The following RGS12 variants were observed in gnomAD, a reference collection of about 807,000 sequenced individuals.
RGS12 encodes the protein regulator of G-protein signaling 12.
A neutral mutation model predicts 120.1 loss-of-function variants in RGS12; 66 were observed. The observed-to-expected ratio is 0.55, with a 90% CI of 0.45 to 0.67. The LOEUF is 0.67. RGS12 is among the 30% of genes least tolerant of loss of function. The pLI is 0.00. For missense variants in RGS12, 1,859 were observed against 1,957.7 expected (o/e 0.95, Z 0.95); for synonymous variants, 827 against 804.7 (o/e 1.03, Z -0.47).
intron 17 of RGS12, chr4:3,431,361 CTT>C: frequency 9.6e-7 from 1 of 1,042,702 alleles, no homozygotes; most frequent in Non-Finnish European, 1.2e-6. Flanking sequence ...TAGCATTTGT[CTT>C]GAGTGAGGAA....
intron 3 of RGS12, among the ~76,000 whole-genome samples, chr4:3,350,140 A>G (rs1014464378): frequency 6.6e-6 from 1 of 152,272 alleles, no homozygotes; most frequent in African/African-American, 2.4e-5. Flanking sequence ...TATTTTGCTG[A>G]TAACACAGAA....
chr4:3,416,823 G>A (rs59743134), intron 7 of RGS12, 90 bp from the exon 8 acceptor site: 1 of 1,177,334 alleles, frequency 8.5e-7, no homozygotes, highest in Non-Finnish European at 1.2e-6. Context: ...CAGGGCCAGT[G>A]GTTGCCTACA....
intron 10 of RGS12, among the ~76,000 whole-genome samples, chr4:3,421,490 C>T (rs1001191809): frequency 1.3e-4 from 20 of 152,262 alleles, no homozygotes; most frequent in African/African-American, 4.3e-4. Context: ...TGCTGGGTGT[C>T]TGGGTCGCCT....
At chr4:3,298,369 G>T in intron 1 of RGS12, among the ~76,000 whole-genome samples, 1 of 151,306 alleles carries the variant, frequency 6.6e-6, no homozygotes, top group Non-Finnish European at 1.5e-5. Flanking sequence ...TTTTTTTTAA[G>T]AGACGGAGTC....
rs575271168 is a variant in RGS12 at position 3,437,888 on chromosome 4, G to A, written c.4115-1567G>A. The stretch of plus-strand genomic sequence containing the variant: ...GAGTCACACCTTCCGCCCGCAGCCC[G>A]GACTTGTTCACAGATGCCTCATGGA... On this transcript the variant is annotated intron_variant, in intron 17 of 17. Transcript: ENST00000336727. 1.6e-4 allele frequency among the ~76,000 whole-genome samples: 25 copies of A among 152,268 alleles called. No individual in the cohort carries two copies. The South Asian group carries it at 4.6e-3, about 28-fold the overall frequency.
chr4:3,431,905 G>A (rs1724345664), intron 17 of RGS12: 3 of 985,496 alleles, frequency 3.0e-6, no homozygotes, highest in African/African-American at 3.5e-5. Flanking sequence ...GACCTCGCCG[G>A]GGGACCAGGG....
At chr4:3,380,498 C>G (rs1181817272) in intron 3 of RGS12, among the ~76,000 whole-genome samples, 1 of 152,232 alleles carries the variant, frequency 6.6e-6, no homozygotes, top group African/African-American at 2.4e-5. Context: ...TCACACTGCC[C>G]TAGCAGAGGT....
intron 4 of RGS12, among the ~76,000 whole-genome samples, chr4:3,400,201 A>T (rs541511339): frequency 6.6e-6 from 1 of 152,376 alleles, no homozygotes; most frequent in East Asian, 1.9e-4. Flanking sequence ...GGAAAATTGA[A>T]TTATTGGCCA....
intron 1 of RGS12, among the ~76,000 whole-genome samples, chr4:3,294,112 C>T (rs1723232276): frequency 6.6e-6 from 1 of 152,258 alleles, no homozygotes; most frequent in East Asian, 1.9e-4. Flanking sequence ...CCTGAGTTTC[C>T]TCATTGGACC....
At chr4:3,305,493 C>T (rs1723922523) in intron 1 of RGS12, among the ~76,000 whole-genome samples, 1 of 152,250 alleles carries the variant, frequency 6.6e-6, no homozygotes, top group Non-Finnish European at 1.5e-5. Flanking sequence ...AGATGCAGCT[C>T]CTGGGGTGCA....
chr4:3,347,826 G>A (rs1179845451), intron 3 of RGS12, among the ~76,000 whole-genome samples: 1 of 152,166 alleles, frequency 6.6e-6, no homozygotes, highest in East Asian at 1.9e-4. Flanking sequence ...AATTGACAAG[G>A]AAATCTGGCT....
chr4:3,349,806 A>G (rs1714187478), intron 3 of RGS12, among the ~76,000 whole-genome samples: 1 of 152,170 alleles, frequency 6.6e-6, no homozygotes, highest in African/African-American at 2.4e-5. Context: ...CTTCTCTAAA[A>G]TTTAATAAGC....
chr4:3,321,632 C>T (rs1457084204), intron 2 of RGS12, among the ~76,000 whole-genome samples: 4 of 152,208 alleles, frequency 2.6e-5, no homozygotes, highest in East Asian at 1.9e-4. Context: ...CTTTTGAGTC[C>T]GCCTTGGCTT....
chr4:3,326,715 A>G (rs1469497386), intron 2 of RGS12, among the ~76,000 whole-genome samples: 1 of 152,222 alleles, frequency 6.6e-6, no homozygotes, highest in East Asian at 1.9e-4. Context: ...CCCATTTACA[A>G]TAACTACAAA....
In RGS12 at chr4:3,318,334, G is replaced by A. The variant is rs991025088; in HGVS notation, c.1881+283G>A. ...CAGGACTGGTGGTGGCGAGAGGGAAGTTGTTGTCTTGGAGCTCAGGATAAG... is the reference window on the plus strand; with the variant it reads ...CAGGACTGGTGGTGGCGAGAGGGAAATTGTTGTCTTGGAGCTCAGGATAAG... On this transcript the variant is annotated intron_variant, in intron 2 of 17. Transcript: ENST00000336727. 9.9e-4 allele frequency among the ~76,000 whole-genome samples: 151 copies of A among 152,320 alleles called. 1 individual carries two copies. The highest frequency in any genetic ancestry group is 3.5e-3 in the African/African-American group (145 of 41,576).
intron 3 of RGS12, among the ~76,000 whole-genome samples, chr4:3,361,136 A>G (rs1326834327): frequency 6.6e-6 from 1 of 152,242 alleles, no homozygotes; most frequent in Admixed American, 6.5e-5. Flanking sequence ...ATGGATAAAC[A>G]TCACAGAAAG....
chr4:3,292,537 C>G (rs1037806810), upstream of RGS12, among the ~76,000 whole-genome samples: 5 of 152,230 alleles, frequency 3.3e-5, no homozygotes, highest in African/African-American at 1.2e-4. Context: ...CTCCCCACAG[C>G]CAGGTTTCCC....
chr4:3,383,320 G>A (rs1718461581), intron 3 of RGS12, among the ~76,000 whole-genome samples: 1 of 152,054 alleles, frequency 6.6e-6, no homozygotes, highest in Non-Finnish European at 1.5e-5. Context: ...TAAAAAGCAT[G>A]TTTGGGTGGG....
Position 3,343,788 on chromosome 4 carries a change from T to C in RGS12, c.1998+735T>C, listed in dbSNP as rs929800669. ...CCTCCCGTTGAACTCTGACAACCAC[T>C]GATCCTTTGACTGTCTCATTTGGCA... On this transcript the variant is annotated intron_variant, in intron 3 of 17. Transcript: ENST00000336727. 8.5e-5 allele frequency among the ~76,000 whole-genome samples: 13 copies of C among 152,304 alleles called. No individual in the cohort carries two copies. The South Asian group carries it at 2.7e-3, about 32-fold the overall frequency.
Sources: allele counts gnomAD v4.1 joint callset (sites outside exome capture counted in the v4.1 genomes callset), GRCh38; gene constraint gnomAD v4.1.1; transcripts MANE v1.5; gene names NCBI Gene and HGNC (gene_info 2026-07-23, HGNC 2026-07-21).